Variants in TCERG1 observed in about 807,000 individuals in gnomAD.
The protein encoded by TCERG1 is TATA box binding protein (TBP)-associated factor, RNA polymerase II, S, 150kD.
A neutral mutation model predicts 144.7 loss-of-function variants in TCERG1; 37 were observed. That is an observed-to-expected ratio of 0.26 (90% CI 0.20 to 0.34). TCERG1 has a LOEUF of 0.34. TCERG1 is among the 10% of genes least tolerant of loss of function. TCERG1 has a pLI of 1.00. For synonymous variants in TCERG1, 492 were observed against 458.2 expected, an observed-to-expected ratio of 1.07 and a Z score of -0.94; for missense variants, 1,027 against 1,380.7, an observed-to-expected ratio of 0.74 and a Z score of 4.06.
intron 1 of TCERG1, among the ~76,000 whole-genome samples, chr5:146,448,034 C>A (rs893633001): frequency 3.3e-5 from 5 of 152,334 alleles, no homozygotes; most frequent in African/African-American, 1.2e-4. Context: ...TACCGTGTGC[C>A]AGTAAACCCT....
chr5:146,480,798 A>G (rs1407146830), intron 12 of TCERG1, among the ~76,000 whole-genome samples: 1 of 152,156 alleles, frequency 6.6e-6, no homozygotes, highest in Non-Finnish European at 1.5e-5. Context: ...GACAACCCCT[A>G]TAAAGGGTAG....
intron 16 of TCERG1, among the ~76,000 whole-genome samples, chr5:146,496,211 C>CA (rs1355160520): frequency 2.0e-5 from 3 of 152,186 alleles, no homozygotes; most frequent in African/African-American, 7.2e-5. Flanking sequence ...AACTTAGGCT[C>CA]ATTAGCCCTC....
In TCERG1 at chr5:146,481,161, A is replaced by G; in HGVS notation, c.1898A>G (p.Lys633Arg). 1 of 985,348 alleles carries G rather than the reference A, an allele frequency of 1.0e-6. No individual in the cohort carries two copies. The highest frequency in any genetic ancestry group is 1.2e-6 in the Non-Finnish European group (1 of 829,894). 61.0% of individuals were successfully genotyped at this position (985,348 alleles called of 1,614,324 possible). The change falls in exon 13 of 23, where the codon AAG (lysine) becomes AGG (arginine). Residue 633 changes from lysine to arginine, a missense_variant. Lys to Arg is a conservative substitution (Grantham distance 26, BLOSUM62 2). Coordinates refer to ENST00000679501, the MANE Select transcript of TCERG1 (RefSeq NM_001382548.1). ...ACTGCTTTTATCAGGAGAATGTCAAAGAAGTCCTTTATGTGGATTGCCCGA... is the reference window on the plus strand; with the variant it reads ...ACTGCTTTTATCAGGAGAATGTCAAGGAAGTCCTTTATGTGGATTGCCCGA... Reference protein sequence around the residue: ...VKAKKRKRMSKKSFMWIARAS... With the variant: ...VKAKKRKRMSRKSFMWIARAS...
rs951014479 is a variant in TCERG1, at chr5:146,479,910, A to G, written c.1818A>G (p.Ala606=). The change falls in exon 11 of 23, where the codon GCA becomes GCG. Residue 606 remains alanine (A), a splice_region_variant and synonymous_variant. Coordinates refer to ENST00000679501, the MANE Select transcript of TCERG1 (RefSeq NM_001382548.1). ...SIQKWQFSMS[A]IKEEQELMEE... ...AAAAGTGGCAATTCTCTATGAGTGC[A>G]AGTGAGTGAACTAACCATAAATTGC... The G allele has an allele frequency of 6.2e-7, 1 of 1,613,172 alleles. No individual in the cohort carries two copies. Among genetic ancestry groups the G allele is most frequent in the Non-Finnish European group, 8.5e-7 (1 of 1,179,410 alleles).
chr5:146,467,991 A>C (rs1310896308), intron 5 of TCERG1, among the ~76,000 whole-genome samples: 1 of 152,194 alleles, frequency 6.6e-6, no homozygotes, highest in Non-Finnish European at 1.5e-5. Flanking sequence ...TATCTAAGCA[A>C]CAGCAGCATG....
At chr5:146,487,120 A>C (rs978009605) in intron 15 of TCERG1, among the ~76,000 whole-genome samples, 1 of 152,180 alleles carries the variant, frequency 6.6e-6, no homozygotes, top group Non-Finnish European at 1.5e-5. Context: ...GATTCAGGAA[A>C]ATTACAGGAT....
chr5:146,457,288 C>T lies in TCERG1; in HGVS notation c.391C>T (p.Pro131Ser). The T allele has an allele frequency of 6.2e-7, 1 of 1,613,854 alleles. No homozygotes were observed. Among genetic ancestry groups the T allele is most frequent in the Non-Finnish European group, 8.5e-7 (1 of 1,179,814 alleles). ...PVTAPGTPAL[P>S]PTEEIWVENK... ...GACTGCTCCTGGTACTCCAGCACTA[C>T]CTCCTACGGAGGAGATATGGGTTGA... The change falls in exon 3 of 23, where the codon CCT becomes TCT. Residue 131 changes from proline (P) to serine (S), a missense_variant. Coordinates refer to ENST00000679501, the MANE Select transcript of TCERG1 (RefSeq NM_001382548.1).
At chr5:146,492,735 G>A (rs1278545965) in intron 15 of TCERG1, 185 bp from the exon 16 acceptor site, 1 of 431,010 alleles carries the variant, frequency 2.3e-6, no homozygotes, top group South Asian at 4.6e-5. Context: ...GTAGAGAGCT[G>A]TGTGCTTGTG....
At chr5:146,454,942 C>T (rs1017421019) in intron 1 of TCERG1, 114 bp from the exon 2 acceptor site, 2 of 1,141,868 alleles carry the variant, frequency 1.8e-6, no homozygotes, top group Non-Finnish European at 1.2e-6. Context: ...TGATGACTTT[C>T]CAACTCCACT....
chr5:146,468,233 T>C (rs539894850), intron 5 of TCERG1, 108 bp from the exon 6 acceptor site: 12 of 907,120 alleles, frequency 1.3e-5, no homozygotes, highest in African/African-American at 8.7e-5. Context: ...GTCTTTTTCA[T>C]TGGAAATAGC....
chr5:146,462,548 A>C (rs1309577568), intron 4 of TCERG1, among the ~76,000 whole-genome samples: 2 of 152,158 alleles, frequency 1.3e-5, no homozygotes, highest in African/African-American at 4.8e-5. Context: ...CGATATTTAA[A>C]AATAATGTGT....
chr5:146,480,323 A>G (rs1365476743), intron 12 of TCERG1: 1 of 293,272 alleles, frequency 3.4e-6, no homozygotes, highest in Non-Finnish European at 6.5e-6. Context: ...ACTCCAAATG[A>G]TAGTTTTGGA....
Position 146,459,389 on chromosome 5 carries a change from G to C in TCERG1, c.892+52G>C, listed in dbSNP as rs766093356. On this transcript the variant is annotated intron_variant, in intron 4 of 22. Coordinates refer to ENST00000679501, the MANE Select transcript of TCERG1 (RefSeq NM_001382548.1). ...ATATAGGGGCTAGAGACATGAACAA[G>C]TAGGGGACTACATTTCATATTGATC... 3 of 1,572,934 alleles carry C rather than the reference G, an allele frequency of 1.9e-6. No homozygotes were observed. In the African/African-American group the frequency reaches 4.1e-5, roughly 21 times the overall value.
chr5:146,456,738 C>T (rs1483750148), intron 2 of TCERG1, among the ~76,000 whole-genome samples: 3 of 152,160 alleles, frequency 2.0e-5, no homozygotes, highest in African/African-American at 7.2e-5. Context: ...AATCCCTGCT[C>T]AAAATGTTTT....
chr5:146,455,322 T>C, intron 2 of TCERG1, 41 bp downstream of exon 2: 1 of 1,604,242 alleles, frequency 6.2e-7, no homozygotes, highest in Non-Finnish European at 8.5e-7. Context: ...TTGGCATCAT[T>C]ATCAATATTA....
In TCERG1 at chr5:146,456,631, CACACT is replaced by C. The variant is rs1454609505; in HGVS notation, c.286-550_286-546del. On this transcript the variant is annotated intron_variant, in intron 2 of 22. Coordinates refer to ENST00000679501, the MANE Select transcript of TCERG1 (RefSeq NM_001382548.1). ...TTTTTAGGAAAATAAAGTACAACTT[CACACT>C]ATTAGCATAGTTTGAGTTCCATTAT... Among the ~76,000 whole-genome samples the C allele has an allele frequency of 5.3e-5, 8 of 152,310 alleles. No individual in the cohort carries two copies. In the South Asian group the frequency reaches 1.2e-3, roughly 24 times the overall value.
At chr5:146,503,093 C>T (rs1404352330) in intron 17 of TCERG1, 1 of 164,366 alleles carries the variant, frequency 6.1e-6, no homozygotes, top group Admixed American at 6.2e-5. Context: ...TCTGAAAAAG[C>T]CTTTTTCTAT....
intron 17 of TCERG1, among the ~76,000 whole-genome samples, chr5:146,501,211 CTTTTAAAT>C (rs1177440422): frequency 2.0e-5 from 3 of 152,060 alleles, no homozygotes; most frequent in Non-Finnish European, 4.4e-5. Flanking sequence ...TCTTCCCTCT[CTTTTAAAT>C]TTCCTGTGCA....
intron 17 of TCERG1, among the ~76,000 whole-genome samples, chr5:146,501,887 C>CT (rs70998087): frequency 0.017 from 1,247 of 73,410 alleles, 82 homozygotes; most frequent in African/African-American, 0.025. Context: ...ATCAACTTCA[C>CT]TTTTTTTTTT....
Sources: gnomAD v4.1 joint callset for allele counts (sites outside exome capture counted in the v4.1 genomes callset) on GRCh38, gnomAD v4.1.1 for gene constraint, MANE v1.5 for transcripts, NCBI Gene and HGNC (gene_info 2026-07-23, HGNC 2026-07-21) for gene names.